The following WDR72 variants were observed in gnomAD, a reference collection of about 807,000 sequenced individuals.
WDR72 encodes WD repeat domain 72.
Under a neutral mutation model 124.2 loss-of-function variants are expected in WDR72, and 120 were observed. The observed-to-expected ratio is 0.97, with a 90% confidence interval of 0.83 to 1.12. WDR72 has a LOEUF of 1.12. Among genes scored for constraint, WDR72 ranks in the 50% most tolerant of loss-of-function variants. WDR72 has a pLI of 0.00. For missense variants in WDR72, 1,387 were observed against 1,278.8 expected (o/e 1.08, Z -1.29); for synonymous variants, 452 against 441.7 (o/e 1.02, Z -0.29).
chr15:53,560,282 A>T (rs1174060137), intron 18 of WDR72, among the ~76,000 whole-genome samples: 2 of 151,888 alleles, frequency 1.3e-5, no homozygotes, highest in Non-Finnish European at 2.9e-5. Context: ...CTTACTTCAT[A>T]TTCTGCTACT....
intron 14 of WDR72, among the ~76,000 whole-genome samples, chr15:53,655,419 G>C (rs1438984837): frequency 6.6e-6 from 1 of 151,932 alleles, no homozygotes; most frequent in East Asian, 1.9e-4. Context: ...TTAGATTTGG[G>C]GAGATGTCAA....
intron 18 of WDR72, among the ~76,000 whole-genome samples, chr15:53,561,048 A>G (rs977948615): frequency 2.6e-5 from 4 of 151,642 alleles, no homozygotes; most frequent in African/African-American, 9.7e-5. Flanking sequence ...CTTCAGTTCT[A>G]CTCTTTTATT....
At chr15:53,697,239 T>C (rs1017813135) in intron 13 of WDR72, among the ~76,000 whole-genome samples, 1 of 152,200 alleles carries the variant, frequency 6.6e-6, no homozygotes, top group African/African-American at 2.4e-5. Context: ...CTATCGATTA[T>C]TGTCCATGTG....
At chr15:53,628,807 A>G (rs1566992449) in intron 14 of WDR72, among the ~76,000 whole-genome samples, 1 of 151,936 alleles carries the variant, frequency 6.6e-6, no homozygotes, top group African/African-American at 2.4e-5. Context: ...CCAACAATAG[A>G]TTTTTTTTAA....
intron 13 of WDR72, among the ~76,000 whole-genome samples, chr15:53,689,119 A>C (rs2016748350): frequency 1.3e-5 from 2 of 152,242 alleles, no homozygotes; most frequent in Admixed American, 6.5e-5. Context: ...ATCCTGGAAG[A>C]AAACCTAGGC....
chr15:53,726,139 T>A (rs1319464274), intron 2 of WDR72, among the ~76,000 whole-genome samples: 3 of 149,112 alleles, frequency 2.0e-5, no homozygotes, highest in African/African-American at 7.4e-5. Flanking sequence ...ATACCAAGAG[T>A]GAACCAATGC....
intron 13 of WDR72, among the ~76,000 whole-genome samples, chr15:53,668,938 G>A (rs1337297670): frequency 5.4e-5 from 3 of 55,094 alleles, no homozygotes; most frequent in Non-Finnish European, 1.4e-4. Context: ...GGAGGAGGAG[G>A]AGGAGGAGCA....
At chr15:53,639,559 A>AAATTATATATAATTTTATTTATTTATAT (rs2014767224) in intron 14 of WDR72, among the ~76,000 whole-genome samples, 1 of 147,440 alleles carries the variant, frequency 6.8e-6, no homozygotes, top group Non-Finnish European at 1.5e-5. Flanking sequence ...TTTATTTATA[A>AAATTATATATAATTTTATTTATTTATAT]AATTATATAT....
intron 18 of WDR72, among the ~76,000 whole-genome samples, chr15:53,526,495 CTT>C (rs1892125122): frequency 2.0e-5 from 3 of 152,046 alleles, no homozygotes; most frequent in Admixed American, 6.6e-5. Context: ...TTACATGTCT[CTT>C]TGAGCTTTTT....
chr15:53,725,318 G>C (rs576323402), intron 2 of WDR72, among the ~76,000 whole-genome samples: 5 of 152,246 alleles, frequency 3.3e-5, no homozygotes, highest in African/African-American at 1.2e-4. Context: ...ATGCTGGCCG[G>C]GATGTGGAGC....
chr15:53,600,102 G>A lies in WDR72; in HGVS notation c.2953-2828C>T, dbSNP rs1397548304. On this transcript the variant is annotated intron_variant, in intron 17 of 19. Transcript: ENST00000360509. The stretch of plus-strand genomic sequence containing the variant: ...GAGAAAGGCTGTATCTTCTAAACAT[G>A]TAATAATGTTATTATAGTATCTGGA... Among the ~76,000 whole-genome samples, 7 of 152,202 alleles carry A rather than the reference G, an allele frequency of 4.6e-5. No homozygotes were observed. In the East Asian group the frequency reaches 1.4e-3, roughly 29 times the overall value.
At chr15:53,585,744 T>A (rs1039833357) in intron 18 of WDR72, among the ~76,000 whole-genome samples, 4 of 151,950 alleles carry the variant, frequency 2.6e-5, no homozygotes, top group African/African-American at 4.8e-5. Flanking sequence ...GAGGCCCTGG[T>A]ATCACCATCA....
At chr15:53,757,351 G>A (rs141602506) in intron 1 of WDR72, among the ~76,000 whole-genome samples, 36 of 152,250 alleles carry the variant, frequency 2.4e-4, no homozygotes, top group African/African-American at 7.5e-4. Flanking sequence ...GGCCAGGCAC[G>A]GTGGCTCATG....
At position 53,619,139 on chromosome 15, in the gene WDR72, T is replaced by C. The variant is rs1408241119; in HGVS notation, c.1963-2896A>G. Among the ~76,000 whole-genome samples, 3 of 152,034 alleles carry C rather than the reference T, an allele frequency of 2.0e-5. No individual in the cohort carries two copies. The South Asian group carries it at 6.2e-4, about 31-fold the overall frequency. On this transcript the variant is annotated intron_variant, in intron 14 of 19. Coordinates refer to ENST00000360509, the MANE Select transcript of WDR72 (RefSeq NM_182758.4). ...ATTTCTTACTCATATTTTAAAATAA[T>C]TCTTTTATTTTTAAACCTACTTATT...
intron 18 of WDR72, among the ~76,000 whole-genome samples, chr15:53,527,288 C>T (rs142096914): frequency 6.6e-6 from 1 of 152,152 alleles, no homozygotes; most frequent in African/African-American, 2.4e-5. Flanking sequence ...TGGTTTCAGT[C>T]ATTCTCTAAA....
At chr15:53,622,799 C>CTAAAA (rs144100168) in intron 14 of WDR72, among the ~76,000 whole-genome samples, 11,670 of 151,806 alleles carry the variant, frequency 0.077, 1,487 homozygotes, top group African/African-American at 0.27. Context: ...CTAAACTAAA[C>CTAAAA]TAAAATAAAG....
At chr15:53,549,418 T>C (rs1320804580) in intron 18 of WDR72, among the ~76,000 whole-genome samples, 2 of 152,198 alleles carry the variant, frequency 1.3e-5, no homozygotes, top group African/African-American at 2.4e-5. Flanking sequence ...TTGACATATA[T>C]ATACTTTACA....
In WDR72 at chr15:53,601,247, T is replaced by C. The variant is rs914097239; in HGVS notation, c.2953-3973A>G. Among the ~76,000 whole-genome samples, 5 of 152,198 alleles carry C rather than the reference T, an allele frequency of 3.3e-5. No individual in the cohort carries two copies. The East Asian group carries it at 9.7e-4, about 29-fold the overall frequency. On this transcript the variant is annotated intron_variant, in intron 17 of 19. Coordinates refer to ENST00000360509, the MANE Select transcript of WDR72 (RefSeq NM_182758.4). ...AGGAATTGCAACCCAGAATTTCATA[T>C]CTAGCCTAACTAAGCTTCATAAGTA...
chr15:53,703,006 T>C (rs2017231563), intron 11 of WDR72, among the ~76,000 whole-genome samples: 1 of 151,954 alleles, frequency 6.6e-6, no homozygotes, highest in African/African-American at 2.4e-5. Context: ...TCAAGTTCCC[T>C]GGGCTCGGAT....
Sources: gnomAD v4.1 joint callset for allele counts (sites outside exome capture counted in the v4.1 genomes callset) on GRCh38, gnomAD v4.1.1 for gene constraint, MANE v1.5 for transcripts, NCBI Gene and HGNC (gene_info 2026-07-23, HGNC 2026-07-21) for gene names.